Variants in ZBTB25 observed in about 807,000 individuals in gnomAD.
ZBTB25 encodes the protein zinc finger and BTB domain-containing protein 25.
Under a neutral mutation model 34.2 loss-of-function variants are expected in ZBTB25, and 20 were observed. The ratio of observed to expected loss-of-function variants is 0.58; its 90% CI spans 0.41 to 0.85. The LOEUF is 0.85. Among genes scored for constraint, ZBTB25 ranks in the 40% least tolerant of loss-of-function variants. The pLI is 0.00. For synonymous variants in ZBTB25, 175 were observed against 186.4 expected, an observed-to-expected ratio of 0.94 and a Z score of 0.50; for missense variants, 437 against 521.8, an observed-to-expected ratio of 0.84 and a Z score of 1.58.
chr14:64,499,008 A>G (rs1380731393), intron 1 of ZBTB25, among the ~76,000 whole-genome samples: 1 of 152,204 alleles, frequency 6.6e-6, no homozygotes, highest in Non-Finnish European at 1.5e-5. Context: ...CCTCAGAAGA[A>G]CACGGGACCA....
chr14:64,503,287 G>T (rs1462218912), intron 1 of ZBTB25: 15 of 985,450 alleles, frequency 1.5e-5, no homozygotes, highest in Non-Finnish European at 1.8e-5. Context: ...TCGCCCGCTC[G>T]TAAGAGGGGT....
At chr14:64,503,236 G>A (rs2079556327) in intron 1 of ZBTB25, 1 of 985,496 alleles carries the variant, frequency 1.0e-6, no homozygotes, top group South Asian at 4.7e-5. Flanking sequence ...CAAGCTGGGA[G>A]TGGAAACAGT....
rs756464425 is a variant in ZBTB25, at chr14:64,487,262, A to C, written c.969T>G (p.Ser323Arg). 1.2e-6 allele frequency: 2 copies of C among 1,613,988 alleles called. No homozygotes were observed. The highest frequency in any genetic ancestry group is 8.5e-7 in the Non-Finnish European group (1 of 1,180,030). Residue 323 changes from serine to arginine, a missense_variant, in exon 3 of 3, where the codon AGT (serine) becomes AGG (arginine). Transcript: ENST00000608382. ...TGTCTTTGGAGATCAAAGATACTTG[A>C]CTGATCTGCAAAGGCTCTGTGGTAC... ...NRGTTEPLQI[S>R]QVSLISKDTE... is the part of the protein sequence containing the mutation.
At position 64,487,440 on chromosome 14, in the gene ZBTB25, G is replaced by C; in HGVS notation, c.791C>G (p.Ser264Cys). ...RQHLHTHVSG[S>C]LPFGVPASIL... Reference sequence around the variant, plus strand: ...GGAAGCAGGGACACCGAATGGCAGGGATCCAGACACATGTGTATGGAGATG... The same window carrying C: ...GGAAGCAGGGACACCGAATGGCAGGCATCCAGACACATGTGTATGGAGATG... Residue 264 changes from serine (S) to cysteine (C), a missense_variant, in exon 3 of 3, where the codon TCC becomes TGC. Ser to Cys is a moderately radical substitution (Grantham distance 112). Transcript: ENST00000608382. 1 of 1,614,188 alleles carries C rather than the reference G, an allele frequency of 6.2e-7. No individual in the cohort carries two copies. Among genetic ancestry groups the C allele is most frequent in the South Asian group, 1.1e-5 (1 of 91,078 alleles).
intron 1 of ZBTB25, among the ~76,000 whole-genome samples, chr14:64,496,018 G>A (rs1419861410): frequency 2.6e-5 from 4 of 151,530 alleles, no homozygotes; most frequent in African/African-American, 9.7e-5. Context: ...GTCCTGATAG[G>A]AACTATTCAA....
At chr14:64,449,545 G>A (rs1803951) in exon 3 of ZBTB25, 1 of 1,614,166 alleles carries the variant, frequency 6.2e-7, no homozygotes, top group Admixed American at 1.7e-5. Context: ...AGGGGGCAAG[G>A]GTGCCTTAGC....
intron 1 of ZBTB25, among the ~76,000 whole-genome samples, chr14:64,501,820 T>C (rs1313603572): frequency 6.6e-6 from 1 of 152,130 alleles, no homozygotes; most frequent in Non-Finnish European, 1.5e-5. Flanking sequence ...CCTCAGGAGA[T>C]AGGGTGGAAG....
chr14:64,455,003 A>G, intron 2 of ZBTB25: 3 of 930,026 alleles, frequency 3.2e-6, no homozygotes, highest in African/African-American at 1.6e-5. Flanking sequence ...AATCGGGCCT[A>G]TTATGATTGC....
chr14:64,502,996 T>C (rs2079547283), intron 1 of ZBTB25: 5 of 984,978 alleles, frequency 5.1e-6, no homozygotes, highest in Non-Finnish European at 6.0e-6. Context: ...ATGCGGGCGC[T>C]AACTGTTGAA....
At chr14:64,459,667 A>C in intron 2 of ZBTB25, 7 of 1,094,472 alleles carry the variant, frequency 6.4e-6, no homozygotes, top group Non-Finnish European at 8.9e-6. Flanking sequence ...CAGCTTTGGC[A>C]ATGTGAGTGG....
At chr14:64,471,560 T>C (rs2141006088) in intron 2 of ZBTB25, 1 of 167,228 alleles carries the variant, frequency 6.0e-6, no homozygotes, top group Admixed American at 6.5e-5. Flanking sequence ...ATGATTGCCA[T>C]ATTTTTTGAA....
chr14:64,454,441 C>T (rs1194881392), intron 2 of ZBTB25, among the ~76,000 whole-genome samples: 1 of 152,112 alleles, frequency 6.6e-6, no homozygotes, highest in African/African-American at 2.4e-5. Context: ...CATATCTACT[C>T]CAAACTATTA....
upstream of ZBTB25, chr14:64,505,177 C>G (rs903061496): frequency 2.7e-5 from 9 of 330,744 alleles, no homozygotes; most frequent in African/African-American, 2.0e-4. Flanking sequence ...AGGCGAAGCC[C>G]CTACGGAGAC....
In ZBTB25 at chr14:64,482,442, C is replaced by A. The variant is rs1227427623; in HGVS notation, c.*4481G>T. 1 of 151,868 alleles carries A rather than the reference C, an allele frequency of 6.6e-6. No individual in the cohort carries two copies. The highest frequency in any genetic ancestry group is 1.5e-5 in the Non-Finnish European group (1 of 68,036). 9.4% of individuals were successfully genotyped at this position (151,868 alleles called of 1,614,324 possible). A position where few individuals can be genotyped will look rare whatever the true frequency, so the allele number is the denominator to read the frequency against. ...CTCCAGCCTGGGCAACAGAGCGAGA[C>A]TCCGTCTCAAAAAAGAAAAAAAAAC... On this transcript the variant is annotated 3_prime_UTR_variant, in exon 3 of 3. Transcript: ENST00000608382.
upstream of ZBTB25, chr14:64,504,691 C>G: frequency 2.8e-6 from 1 of 362,900 alleles, no homozygotes; most frequent in Non-Finnish European, 4.9e-6. Context: ...AACTGGTGGG[C>G]AGACCCGGAG....
At chr14:64,468,988 T>C in intron 2 of ZBTB25, 1 of 1,614,194 alleles carries the variant, frequency 6.2e-7, no homozygotes, top group African/African-American at 1.3e-5. Flanking sequence ...GTGAATCAAA[T>C]GTGAGCAATA....
chr14:64,485,287 G>T lies in ZBTB25; in HGVS notation c.*1636C>A. On this transcript the variant is annotated 3_prime_UTR_variant, in exon 3 of 3. Transcript: ENST00000608382. ...AGGGAGCTCAAGAGTTTTGTAAGTG[G>T]TTAAATTCTAAGGCTCACAAACCAA... 1.0e-6 allele frequency: 1 copy of T among 985,422 alleles called. No individual in the cohort carries two copies. Among genetic ancestry groups the T allele is most frequent in the Non-Finnish European group, 1.2e-6 (1 of 829,930 alleles). The allele number at this position is 985,422 out of a possible 1,614,324, so 61.0% of individuals were successfully genotyped here.
chr14:64,453,637 T>C (rs778758112), intron 2 of ZBTB25: 7 of 708,286 alleles, frequency 9.9e-6, no homozygotes, highest in South Asian at 9.0e-5. Flanking sequence ...TGTATATGTA[T>C]ATAAAAACCA....
chr14:64,468,944 G>A (rs1381789447), intron 2 of ZBTB25: 2 of 1,614,190 alleles, frequency 1.2e-6, no homozygotes, highest in East Asian at 2.2e-5. Context: ...GGATCTAAGT[G>A]AAGGCATCTC....
Sources: allele counts gnomAD v4.1 joint callset (sites outside exome capture counted in the v4.1 genomes callset), GRCh38; gene constraint gnomAD v4.1.1; transcripts MANE v1.5; gene names NCBI Gene and HGNC (gene_info 2026-07-23, HGNC 2026-07-21).